Variants in BCAS3 observed in about 807,000 individuals in gnomAD.
BCAS3 encodes BCAS4/BCAS3 fusion.
In BCAS3, 53 loss-of-function variants were observed where a neutral mutation model predicts 116.1. That is an observed-to-expected ratio of 0.46 (90% CI 0.37 to 0.57). BCAS3 has a LOEUF of 0.57. Among genes scored for constraint, BCAS3 ranks in the 20% least tolerant of loss-of-function variants. BCAS3 has a pLI of 0.00. For missense variants in BCAS3, 917 were observed against 1,165.4 expected (o/e 0.79, Z 3.10); for synonymous variants, 391 against 408.2 (o/e 0.96, Z 0.51).
chr17:60,768,597 C>CT (rs1358081599), intron 6 of BCAS3, among the ~76,000 whole-genome samples: 1 of 152,094 alleles, frequency 6.6e-6, no homozygotes, highest in Non-Finnish European at 1.5e-5. Flanking sequence ...GTAAACTCCC[C>CT]TTTTTTATAT....
In BCAS3 at chr17:60,948,791, T is replaced by C. The variant is rs148425381; in HGVS notation, c.1221+1439T>C. Among the ~76,000 whole-genome samples, 1,086 of 152,302 alleles carry C rather than the reference T, an allele frequency of 7.1e-3. 9 individuals are homozygous for C. Among genetic ancestry groups the C allele is most frequent in the Middle Eastern group, 0.024 (7 of 294 alleles). ...TCTGAAAACTGATAAACCAAAAATATACAGTGTTTACCCCACTTTTCTTGT... is the reference window on the plus strand; with the variant it reads ...TCTGAAAACTGATAAACCAAAAATACACAGTGTTTACCCCACTTTTCTTGT... On this transcript the variant is annotated intron_variant, in intron 14 of 23. Transcript: ENST00000407086.
intron 22 of BCAS3, among the ~76,000 whole-genome samples, chr17:61,287,096 A>C (rs970966593): frequency 3.3e-5 from 5 of 152,008 alleles, no homozygotes; most frequent in Non-Finnish European, 5.9e-5. Context: ...AAAATACAAA[A>C]AATTAGCCGG....
At chr17:61,117,431 A>G (rs569459418) in intron 22 of BCAS3, among the ~76,000 whole-genome samples, 1 of 152,124 alleles carries the variant, frequency 6.6e-6, no homozygotes, top group Non-Finnish European at 1.5e-5. Context: ...TGTGTCTACA[A>G]GAAAAAATTA....
At position 60,936,528 on chromosome 17, in the gene BCAS3, C is replaced by T. The variant is rs35207034; in HGVS notation, c.1088-10691C>T. Among the ~76,000 whole-genome samples the T allele has an allele frequency of 4.7e-3, 712 of 152,200 alleles. 4 individuals are homozygous for T. The highest frequency in any genetic ancestry group is 7.3e-3 in the Non-Finnish European group (494 of 68,018). ...CATCCTCTCCAGCACCTGTTGTTTC[C>T]TGACTTTTTAGTGATCGTCATTCTA... On this transcript the variant is annotated intron_variant, in intron 13 of 23. Coordinates refer to ENST00000407086, the MANE Select transcript of BCAS3 (RefSeq NM_017679.5).
chr17:60,852,961 T>C (rs1460792548), intron 7 of BCAS3, among the ~76,000 whole-genome samples: 1 of 152,178 alleles, frequency 6.6e-6, no homozygotes, highest in Non-Finnish European at 1.5e-5. Flanking sequence ...CTCGAATGAG[T>C]TGAAACTTAC....
At position 61,244,635 on chromosome 17, in the gene BCAS3, G is replaced by A. The variant is rs769891192; in HGVS notation, c.2426-123692G>A. On this transcript the variant is annotated intron_variant, in intron 22 of 23. Transcript: ENST00000407086. The surrounding 1 kb of genome is among the most constrained non-coding windows in gnomAD (Gnocchi z 4.9). Reference sequence around the variant, plus strand: ...TCCCAGCACTTTGGGAGGCCAAAGCGGGCGGATCACGAGGTCAGGAGATCG... The same window carrying A: ...TCCCAGCACTTTGGGAGGCCAAAGCAGGCGGATCACGAGGTCAGGAGATCG... Among the ~76,000 whole-genome samples, 3 of 152,154 alleles carry A rather than the reference G, an allele frequency of 2.0e-5. No individual in the cohort carries two copies. Among genetic ancestry groups the A allele is most frequent in the Non-Finnish European group, 2.9e-5 (2 of 68,022 alleles).
At chr17:60,921,739 A>G (rs977204813) in intron 12 of BCAS3, among the ~76,000 whole-genome samples, 2 of 151,924 alleles carry the variant, frequency 1.3e-5, no homozygotes, top group East Asian at 1.9e-4. Flanking sequence ...ATTGGGTACT[A>G]TGCTCACTAC....
At chr17:60,851,364 G>A (rs1225027770) in intron 7 of BCAS3, 11 of 361,650 alleles carry the variant, frequency 3.0e-5, no homozygotes, top group African/African-American at 1.3e-4. Context: ...CCTGGCACAC[G>A]TCCTCCCCGC....
intron 22 of BCAS3, among the ~76,000 whole-genome samples, chr17:61,182,172 C>T (rs2079521034): frequency 6.6e-6 from 1 of 152,152 alleles, no homozygotes; most frequent in African/African-American, 2.4e-5. Flanking sequence ...CCATATGTGG[C>T]CATTGCTTTA....
At chr17:60,998,495 G>A (rs1388420122) in intron 15 of BCAS3, among the ~76,000 whole-genome samples, 1 of 152,106 alleles carries the variant, frequency 6.6e-6, no homozygotes, top group Non-Finnish European at 1.5e-5. Context: ...TTTCTCTGCA[G>A]CCTCACCAAC....
intron 7 of BCAS3, among the ~76,000 whole-genome samples, chr17:60,837,979 A>G (rs181595532): frequency 8.0e-4 from 122 of 152,316 alleles, no homozygotes; most frequent in Admixed American, 2.0e-3. Context: ...ATTCAATTTT[A>G]AATTAAAATT....
chr17:60,776,459 G>A (rs960662113), intron 6 of BCAS3, among the ~76,000 whole-genome samples: 3 of 152,082 alleles, frequency 2.0e-5, no homozygotes, highest in African/African-American at 4.8e-5. Context: ...GGTGGCTCAC[G>A]CCTGTAATCC....
At chr17:61,119,142 T>C (rs1056127251) in intron 22 of BCAS3, among the ~76,000 whole-genome samples, 1 of 152,172 alleles carries the variant, frequency 6.6e-6, no homozygotes, top group African/African-American at 2.4e-5. Flanking sequence ...ATAAATAGCA[T>C]TAGCATTGAG....
intron 7 of BCAS3, among the ~76,000 whole-genome samples, chr17:60,819,185 C>A: frequency 6.6e-6 from 1 of 152,134 alleles, no homozygotes; most frequent in African/African-American, 2.4e-5. Flanking sequence ...CCCCAGTTCA[C>A]TTAATTACTT....
At chr17:61,135,969 C>T (rs533332650) in intron 22 of BCAS3, 2 of 160,160 alleles carry the variant, frequency 1.2e-5, no homozygotes, top group East Asian at 3.7e-4. Flanking sequence ...CTGTGTGCCT[C>T]TCCTGCCGCT....
At position 61,082,048 on chromosome 17, in the gene BCAS3, A is replaced by G. The variant is rs1398640536; in HGVS notation, c.2328-2419A>G. On this transcript the variant is annotated intron_variant, in intron 21 of 23. Coordinates refer to ENST00000407086, the MANE Select transcript of BCAS3 (RefSeq NM_017679.5). This position sits in a 1 kb window ranked among gnomAD's most constrained non-coding sequence, Gnocchi z 5.1. ...ACAGGCAGGCATAGTGTTGACTCTC[A>G]TCCATAAGGGAATCAGGCAAGCTCC... Among the ~76,000 whole-genome samples, 1 of 152,064 alleles carries G rather than the reference A, an allele frequency of 6.6e-6. No individual in the cohort carries two copies.
At chr17:60,719,506 T>C (rs2039013603) in intron 5 of BCAS3, among the ~76,000 whole-genome samples, 2 of 152,376 alleles carry the variant, frequency 1.3e-5, no homozygotes, top group African/African-American at 2.4e-5. Context: ...TCATGTATTA[T>C]TTTATTTCAC....
chr17:60,840,924 C>G (rs74697339), intron 7 of BCAS3, among the ~76,000 whole-genome samples: 2,638 of 152,232 alleles, frequency 0.017, 74 homozygotes, highest in East Asian at 0.092. Context: ...TTCAAAAACT[C>G]TCCCTATTGT....
chr17:61,263,285 G>A (rs1006250615), intron 22 of BCAS3, among the ~76,000 whole-genome samples: 1 of 152,218 alleles, frequency 6.6e-6, no homozygotes, highest in African/African-American at 2.4e-5. Flanking sequence ...AGATGGAACC[G>A]TTATCAGAAC....
Sources: allele counts gnomAD v4.1 joint callset (sites outside exome capture counted in the v4.1 genomes callset), GRCh38; gene constraint gnomAD v4.1.1; non-coding constraint Gnocchi (gnomAD v3.1); transcripts MANE v1.5; gene names NCBI Gene and HGNC (gene_info 2026-07-23, HGNC 2026-07-21).